ZNF616: variants seen among roughly 807,000 people sequenced by gnomAD.
ZNF616 encodes the protein zinc finger protein 616.
A neutral mutation model predicts 7.6 loss-of-function variants in ZNF616; 5 were observed. The ratio of observed to expected loss-of-function variants is 0.66; its 90% CI spans 0.34 to 1.38. The LOEUF is 1.38. Among genes scored for constraint, ZNF616 ranks in the 40% most tolerant of loss-of-function variants. The pLI, the probability that ZNF616 is intolerant of heterozygous loss-of-function variation, is 0.04. For missense variants in ZNF616, 913 were observed against 948.3 expected, an observed-to-expected ratio of 0.96 and a Z score of 0.49; for synonymous variants, 319 against 317.2, an observed-to-expected ratio of 1.01 and a Z score of -0.06.
At chr19:52,131,266 A>G (rs2088958255) in intron 1 of ZNF616, among the ~76,000 whole-genome samples, 1 of 144,246 alleles carries the variant, frequency 6.9e-6, no homozygotes, top group African/African-American at 2.7e-5. Context: ...TCTGTCACCA[A>G]AAAAAAAAAA....
chr19:52,132,787 G>A (rs912515121), intron 1 of ZNF616, among the ~76,000 whole-genome samples: 15 of 152,056 alleles, frequency 9.9e-5, no homozygotes, highest in Admixed American at 2.0e-4. Context: ...TAAATTACTC[G>A]GTCTCTGGAA....
chr19:52,139,053 ACTCTTGCT>A lies in ZNF616; in HGVS notation c.-77+671_-77+678del, dbSNP rs1460300656. Among the ~76,000 whole-genome samples, 5 of 151,878 alleles carry A rather than the reference ACTCTTGCT, an allele frequency of 3.3e-5. No individual in the cohort carries two copies. Among genetic ancestry groups the A allele is most frequent in the African/African-American group, 1.2e-4 (5 of 41,384 alleles). Reference sequence around the variant, plus strand: ...CTACTTTCTCCATGCGTCCTCTTGCACTCTTGCTCTCTTTGCCAGTACCTAAATTATCA... The same window carrying A: ...CTACTTTCTCCATGCGTCCTCTTGCACTCTTTGCCAGTACCTAAATTATCA... On this transcript the variant is annotated intron_variant, in intron 1 of 3. Coordinates refer to ENST00000600228, the MANE Select transcript of ZNF616 (RefSeq NM_178523.5). The surrounding 1 kb of genome is among the most constrained non-coding windows in gnomAD (Gnocchi z 4.1).
chr19:52,123,867 G>A (rs75173089), intron 3 of ZNF616, 56 bp downstream of exon 3: 66,554 of 1,608,210 alleles, frequency 0.041, 2,108 homozygotes, highest in African/African-American at 0.16. Flanking sequence ...GACAACAGAG[G>A]AAATACAAAA....
At chr19:52,118,868 T>C (rs1168861494) in intron 3 of ZNF616, among the ~76,000 whole-genome samples, 2 of 152,230 alleles carry the variant, frequency 1.3e-5, no homozygotes, top group African/African-American at 2.4e-5. Flanking sequence ...GCAGTTAGTA[T>C]GCCCACGGGA....
At position 52,116,787 on chromosome 19, in the gene ZNF616, T is replaced by C. The variant is rs1365628393; in HGVS notation, c.377A>G (p.His126Arg). The C allele has an allele frequency of 3.1e-6, 5 of 1,614,050 alleles. No homozygotes were observed. The highest frequency in any genetic ancestry group is 2.2e-5 in the South Asian group (2 of 91,080). ...ENNLTGKRDQHSQGDVENNHI... is the reference protein window; with the variant it reads ...ENNLTGKRDQRSQGDVENNHI... ...ATTGTTTTCTACATCCCCTTGACTA[T>C]GTTGATCTCTTTTACCAGTAAGATT... is the stretch of plus-strand genomic sequence containing the variant. The change falls in exon 4 of 4, where the codon CAT (histidine) becomes CGT (arginine). Residue 126 changes from histidine to arginine, a missense_variant. Coordinates refer to ENST00000600228, the MANE Select transcript of ZNF616 (RefSeq NM_178523.5).
rs779782943 is a variant in ZNF616, at chr19:52,115,917, T to G, written c.1247A>C (p.Lys416Thr). The G allele has an allele frequency of 3.1e-6, 5 of 1,614,224 alleles. No individual in the cohort carries two copies. The highest frequency in any genetic ancestry group is 2.5e-6 in the Non-Finnish European group (3 of 1,180,042). ...AAGACTTGAACGTTTACTGAAGACCTTGCCACATTCATTGCATTTGCAAGG... is the reference window on the plus strand; with the variant it reads ...AAGACTTGAACGTTTACTGAAGACCGTGCCACATTCATTGCATTTGCAAGG... ...EKPCKCNECG[K>T]VFSKRSSLAV... Residue 416 changes from lysine (K) to threonine (T), a missense_variant, in exon 4 of 4, where the codon AAG (lysine) becomes ACG (threonine). By Grantham distance (78) the Lys-to-Thr change is moderately conservative (BLOSUM62 -1). Coordinates refer to ENST00000600228, the MANE Select transcript of ZNF616 (RefSeq NM_178523.5).
intron 1 of ZNF616, among the ~76,000 whole-genome samples, chr19:52,133,445 G>A (rs957947281): frequency 1.3e-5 from 2 of 152,052 alleles, no homozygotes; most frequent in Admixed American, 6.5e-5. Flanking sequence ...AGGGGTACAC[G>A]TGCAGGAGGT....
At position 52,116,525 on chromosome 19, in the gene ZNF616, G is replaced by C; in HGVS notation, c.639C>G (p.Tyr213Ter). The change falls in exon 4 of 4, where the codon TAC becomes TAG. Residue 213 changes from tyrosine (Y) to a stop codon, truncating the protein, a stop_gained. Coordinates refer to ENST00000600228, the MANE Select transcript of ZNF616 (RefSeq NM_178523.5). LOFTEE classifies it low-confidence loss of function (END_TRUNC). ...HQRIHTTEKP[Y>*]KCNECGKAFH... is the part of the protein sequence containing the mutation. ...AGGCTTTGCCACACTCATTGCATTT[G>C]TAAGGTTTCTCTGTAGTATGTATCC... 6.2e-7 allele frequency: 1 copy of C among 1,614,068 alleles called. No individual in the cohort carries two copies.
rs1325233375 is a variant in ZNF616 at position 52,116,248 on chromosome 19, AG to A, written c.915del (p.Phe306LeufsTer40). The part of the protein sequence containing the change: ...KPYKCNLCGK[S>X]FSQRVHLRLH... ...AGTCTAAGATGGACACGCTGACTAA[AG>A]GATTTCCCACACAGATTACATTTGT... On this transcript the variant is annotated frameshift_variant, in exon 4 of 4. Transcript: ENST00000600228. LOFTEE classifies it low-confidence loss of function (END_TRUNC). The A allele has an allele frequency of 1.2e-6, 2 of 1,614,200 alleles. No individual in the cohort carries two copies. Among genetic ancestry groups the A allele is most frequent in the South Asian group, 2.2e-5 (2 of 91,082 alleles).
intron 2 of ZNF616, among the ~76,000 whole-genome samples, chr19:52,125,858 C>G (rs766708450): frequency 6.6e-6 from 1 of 152,160 alleles, no homozygotes; most frequent in African/African-American, 2.4e-5. Context: ...TGCAATAACA[C>G]AGAAAGACAT....
rs772689098 is a variant in ZNF616 at position 52,116,461 on chromosome 19, G to A, written c.703C>T (p.His235Tyr). The A allele has an allele frequency of 1.9e-6, 3 of 1,614,014 alleles. No individual in the cohort carries two copies. The highest frequency in any genetic ancestry group is 1.1e-5 in the South Asian group (1 of 91,068). ...CATTGATATGATTTCCCTCTTGTATGGACTACCTTGTGTACAGTTAGTAGT... is the reference window on the plus strand; with the variant it reads ...CATTGATATGATTTCCCTCTTGTATAGACTACCTTGTGTACAGTTAGTAGT... ...ASLLTVHKVV[H>Y]TRGKSYQCDV... Residue 235 changes from histidine to tyrosine, a missense_variant, in exon 4 of 4, where the codon CAT (histidine) becomes TAT (tyrosine). His to Tyr is a moderately conservative substitution (Grantham distance 83). Transcript: ENST00000600228.
chr19:52,131,769 C>T (rs536590600), intron 1 of ZNF616, among the ~76,000 whole-genome samples: 286 of 152,280 alleles, frequency 1.9e-3, no homozygotes, highest in African/African-American at 6.8e-3. Context: ...AATGTAAAAA[C>T]AACATAGTAG....
Position 52,117,340 on chromosome 19 carries a change from C to T in ZNF616, c.140-316G>A, listed in dbSNP as rs139087136. Among the ~76,000 whole-genome samples, 485 of 152,106 alleles carry T rather than the reference C, an allele frequency of 3.2e-3. 8 individuals are homozygous for T. The highest frequency in any genetic ancestry group is 0.025 in the East Asian group (130 of 5,178). On this transcript the variant is annotated intron_variant, in intron 3 of 3. Transcript: ENST00000600228. ...CAACCAATGACACCAAATTACGAAC[C>T]GATTGGCAGAAAATGTGGCTCTCTC...
At chr19:52,121,192 C>T (rs1303385670) in intron 3 of ZNF616, among the ~76,000 whole-genome samples, 1 of 152,158 alleles carries the variant, frequency 6.6e-6, no homozygotes, top group Non-Finnish European at 1.5e-5. Context: ...GTAGCTGGGA[C>T]TACAGGCGCA....
At chr19:52,130,256 C>A (rs35158741) in intron 2 of ZNF616, among the ~76,000 whole-genome samples, 3,051 of 152,264 alleles carry the variant, frequency 0.02, 51 homozygotes, top group Admixed American at 0.03. Flanking sequence ...TGGGTGTGAG[C>A]CCTTCCCAGG....
chr19:52,121,581 T>C lies in ZNF616; in HGVS notation c.139+2342A>G, dbSNP rs78064276. On this transcript the variant is annotated intron_variant, in intron 3 of 3. Transcript: ENST00000600228. ...TTCTGTTAAAATAGAAGATCTCCAA[T>C]AGAACAGAATAGGGAACCCAGAAAT... 9.3e-3 allele frequency among the ~76,000 whole-genome samples: 1,411 copies of C among 152,100 alleles called. 29 individuals are homozygous for C. The highest frequency in any genetic ancestry group is 0.032 in the African/African-American group (1,337 of 41,498).
chr19:52,130,420 C>G (rs192515126), intron 2 of ZNF616, 81 bp downstream of exon 2: 1 of 1,298,410 alleles, frequency 7.7e-7, no homozygotes, highest in African/African-American at 1.4e-5. Flanking sequence ...TTTGCAACTC[C>G]GACGCCCTGT....
chr19:52,123,046 C>T (rs1195365807), intron 3 of ZNF616, among the ~76,000 whole-genome samples: 1 of 152,128 alleles, frequency 6.6e-6, no homozygotes, highest in Admixed American at 6.5e-5. Flanking sequence ...AGAGAAACTG[C>T]TCCTGAGCTA....
rs759563508 is a variant in ZNF616 at position 52,115,254 on chromosome 19, T to A, written c.1910A>T (p.Gln637Leu). Residue 637 changes from glutamine (Q) to leucine (L), a missense_variant, in exon 4 of 4, where the codon CAG (glutamine) becomes CTG (leucine). Gln to Leu is a moderately radical substitution (Grantham distance 113, BLOSUM62 -2). Transcript: ENST00000600228. ...ACGCTGACTAAAGGAATTCCCACAC[T>A]GATTGCATTTGTAAGGTTTCTCTCC... ...HTGEKPYKCN[Q>L]CGNSFSQRVH... The A allele has an allele frequency of 5.0e-6, 8 of 1,614,054 alleles. No homozygotes were observed. Among genetic ancestry groups the A allele is most frequent in the Admixed American group, 3.3e-5 (2 of 60,002 alleles).
Sources: allele counts gnomAD v4.1 joint callset (sites outside exome capture counted in the v4.1 genomes callset), GRCh38; gene constraint gnomAD v4.1.1; non-coding constraint Gnocchi (gnomAD v3.1); transcripts MANE v1.5; gene names NCBI Gene and HGNC (gene_info 2026-07-23, HGNC 2026-07-21).